CDH13: variants seen among roughly 807,000 people sequenced by gnomAD.
CDH13 encodes the protein cadherin 13, also known as cadherin-13.
In CDH13, 24 loss-of-function variants were observed where a neutral mutation model predicts 63.8. That is an observed-to-expected ratio of 0.38 (90% CI 0.27 to 0.53). The LOEUF is 0.53. CDH13 is among the 20% of genes least tolerant of loss of function. The probability of loss-of-function intolerance (pLI) is 0.85; values close to 1 mark genes in which losing one functional copy is unlikely to be tolerated. For synonymous variants in CDH13, 503 were observed against 355.3 expected, an observed-to-expected ratio of 1.42 and a Z score of -4.67; for missense variants, 1,049 against 903.1, an observed-to-expected ratio of 1.16 and a Z score of -2.07.
intron 2 of CDH13, among the ~76,000 whole-genome samples, chr16:82,947,328 T>C (rs1460892525): frequency 6.6e-6 from 1 of 152,138 alleles, no homozygotes; most frequent in Non-Finnish European, 1.5e-5. Flanking sequence ...ACCAAGAGTG[T>C]GTACCCAGGA....
At chr16:83,329,333 C>G (rs916281379) in intron 5 of CDH13, among the ~76,000 whole-genome samples, 1 of 152,106 alleles carries the variant, frequency 6.6e-6, no homozygotes, top group African/African-American at 2.4e-5. Flanking sequence ...TCAAGTGATT[C>G]TCCCACCTCA....
In CDH13 at chr16:83,048,068, A is replaced by C. The variant is rs999342688; in HGVS notation, c.366+15850A>C. Among the ~76,000 whole-genome samples the C allele has an allele frequency of 2.0e-5, 3 of 152,328 alleles. No homozygotes were observed. The South Asian group carries it at 6.2e-4, about 32-fold the overall frequency. ...CAGTAAAGTAGATTCAGGTTGGTTG[A>C]ATAGCTGTATCCAAAAGGGTTAAAA... On this transcript the variant is annotated intron_variant, in intron 3 of 13. Transcript: ENST00000567109.
intron 1 of CDH13, among the ~76,000 whole-genome samples, chr16:82,688,661 C>G (rs1204725723): frequency 1.3e-5 from 2 of 152,102 alleles, no homozygotes; most frequent in East Asian, 1.9e-4. Flanking sequence ...TTGTTTGTAA[C>G]AAGAAATAAA....
intron 4 of CDH13, among the ~76,000 whole-genome samples, chr16:83,157,938 C>G (rs968641248): frequency 6.6e-6 from 1 of 151,516 alleles, no homozygotes; most frequent in African/African-American, 2.4e-5. Context: ...AAAAAGAAAA[C>G]AGAAAGAAAT....
intron 5 of CDH13, among the ~76,000 whole-genome samples, chr16:83,289,781 T>C (rs1284397850): frequency 2.0e-5 from 3 of 152,214 alleles, no homozygotes; most frequent in Non-Finnish European, 2.9e-5. Flanking sequence ...TCTGATCATA[T>C]GTAAGGATTT....
intron 4 of CDH13, among the ~76,000 whole-genome samples, chr16:83,151,381 A>G (rs866491027): frequency 1.3e-4 from 20 of 152,174 alleles, no homozygotes; most frequent in African/African-American, 4.3e-4. Context: ...CCCTCTTCCC[A>G]TCGTTTCCAA....
chr16:83,192,671 A>G (rs536060532), intron 4 of CDH13, among the ~76,000 whole-genome samples: 32 of 152,184 alleles, frequency 2.1e-4, no homozygotes, highest in African/African-American at 7.2e-4. Flanking sequence ...AAAATGTGAG[A>G]TGGAGCAGGT....
At chr16:83,173,292 G>T (rs190101770) in intron 4 of CDH13, among the ~76,000 whole-genome samples, 92 of 152,168 alleles carry the variant, frequency 6.0e-4, no homozygotes, top group African/African-American at 2.1e-3. Context: ...CTTTATTGCT[G>T]GGTTCTATGT....
rs193131128 is a variant in CDH13, at chr16:83,774,526, T to C, written c.1682-5442T>C. Among the ~76,000 whole-genome samples, 191 of 152,124 alleles carry C rather than the reference T, an allele frequency of 1.3e-3. 1 individual carries two copies. The highest frequency in any genetic ancestry group is 4.3e-3 in the African/African-American group (180 of 41,514). ...TAGCTGGGATTACAGGCACGTGCCATCATGCCCAGCTAATTTTTTGTATTT... is the reference window on the plus strand; with the variant it reads ...TAGCTGGGATTACAGGCACGTGCCACCATGCCCAGCTAATTTTTTGTATTT... On this transcript the variant is annotated intron_variant, in intron 11 of 13. Coordinates refer to ENST00000567109, the MANE Select transcript of CDH13 (RefSeq NM_001257.5).
chr16:83,278,482 C>T (rs2151853602), intron 5 of CDH13, among the ~76,000 whole-genome samples: 1 of 152,276 alleles, frequency 6.6e-6, no homozygotes, highest in African/African-American at 2.4e-5. Context: ...TTGCCAGTTT[C>T]CATGGTGTGA....
At chr16:83,329,449 C>G (rs2090436394) in intron 5 of CDH13, among the ~76,000 whole-genome samples, 1 of 151,186 alleles carries the variant, frequency 6.6e-6, no homozygotes, top group South Asian at 2.1e-4. Flanking sequence ...GTTGGCGAGG[C>G]TGGTCTCGAA....
At chr16:82,890,315 C>T (rs1597150007) in intron 2 of CDH13, among the ~76,000 whole-genome samples, 1 of 152,190 alleles carries the variant, frequency 6.6e-6, no homozygotes, top group African/African-American at 2.4e-5. Flanking sequence ...AGTGTATAGG[C>T]TGGAAAGACC....
chr16:83,691,945 G>T (rs1046479955), intron 10 of CDH13, among the ~76,000 whole-genome samples: 5 of 152,144 alleles, frequency 3.3e-5, no homozygotes, highest in African/African-American at 1.2e-4. Flanking sequence ...CAGCAACCCT[G>T]TGGGTCTCTG....
chr16:83,224,535 G>A (rs1017143380), intron 5 of CDH13, among the ~76,000 whole-genome samples: 2 of 152,200 alleles, frequency 1.3e-5, no homozygotes, highest in African/African-American at 4.8e-5. Flanking sequence ...TAACACACAT[G>A]TGACCTAGGC....
At chr16:82,974,069 C>G (rs1362102506) in intron 2 of CDH13, among the ~76,000 whole-genome samples, 1 of 152,076 alleles carries the variant, frequency 6.6e-6, no homozygotes, top group Non-Finnish European at 1.5e-5. Context: ...ATTACGGGCA[C>G]CCACTACCAT....
chr16:83,560,976 A>C (rs1383442857), intron 7 of CDH13, among the ~76,000 whole-genome samples: 1 of 152,260 alleles, frequency 6.6e-6, no homozygotes, highest in East Asian at 1.9e-4. Context: ...AAATTAGAAC[A>C]AGTAAGAAGT....
intron 5 of CDH13, among the ~76,000 whole-genome samples, chr16:83,323,810 C>G (rs1006210319): frequency 6.6e-6 from 1 of 152,152 alleles, no homozygotes; most frequent in African/African-American, 2.4e-5. Context: ...TCTTGTTCCT[C>G]TTTAGTACAT....
chr16:83,513,450 G>A (rs955153008), intron 7 of CDH13, among the ~76,000 whole-genome samples: 2 of 152,164 alleles, frequency 1.3e-5, no homozygotes, highest in African/African-American at 4.8e-5. Context: ...TTCTCATGCT[G>A]CTATAAAGAC....
intron 1 of CDH13, among the ~76,000 whole-genome samples, chr16:82,833,499 C>T (rs1010181612): frequency 1.3e-5 from 2 of 152,230 alleles, no homozygotes; most frequent in African/African-American, 4.8e-5. Flanking sequence ...CCCATGAATT[C>T]ACTATGTTGT....
Sources: gnomAD v4.1 joint callset for allele counts (sites outside exome capture counted in the v4.1 genomes callset) on GRCh38, gnomAD v4.1.1 for gene constraint, MANE v1.5 for transcripts, NCBI Gene and HGNC (gene_info 2026-07-23, HGNC 2026-07-21) for gene names.